PDZD2: variants seen among roughly 807,000 people sequenced by gnomAD.
PDZD2 encodes the protein PDZ domain-containing protein 2.
Under a neutral mutation model 220.7 loss-of-function variants are expected in PDZD2, and 90 were observed. That is an observed-to-expected ratio of 0.41 (90% CI 0.34 to 0.49). The LOEUF (loss-of-function observed/expected upper bound fraction) is 0.49. Among genes scored for constraint, PDZD2 ranks in the 20% least tolerant of loss-of-function variants. The pLI, the probability that PDZD2 is intolerant of heterozygous loss-of-function variation, is 0.28. For synonymous variants in PDZD2, 1,375 were observed against 1,450.5 expected (o/e 0.95, Z 1.18); for missense variants, 3,174 against 3,608.5 (o/e 0.88, Z 3.08).
chr5:31,912,321 A>G (rs11749275), intron 2 of PDZD2, among the ~76,000 whole-genome samples: 63,536 of 151,882 alleles, frequency 0.42, 13,815 homozygotes, highest in Middle Eastern at 0.58. Context: ...TCATAAGGAC[A>G]CTAATCCCAC....
chr5:32,041,674 A>G (rs1581356473), intron 7 of PDZD2, among the ~76,000 whole-genome samples: 1 of 151,960 alleles, frequency 6.6e-6, no homozygotes, highest in Non-Finnish European at 1.5e-5. Flanking sequence ...ACCACTCCCT[A>G]ATCTCAAGTA....
intron 5 of PDZD2, among the ~76,000 whole-genome samples, chr5:32,003,162 A>T (rs1250824026): frequency 1.2e-4 from 7 of 58,046 alleles, no homozygotes; most frequent in African/African-American, 3.2e-4. Context: ...CCACCAACAC[A>T]CACACCACAC....
chr5:32,076,306 A>AAAACAAATC, intron 18 of PDZD2, among the ~76,000 whole-genome samples: 1 of 151,648 alleles, frequency 6.6e-6, no homozygotes, highest in East Asian at 1.9e-4. Context: ...AAAAAAAAAA[A>AAAACAAATC]AAACAAATCA....
intron 6 of PDZD2, among the ~76,000 whole-genome samples, chr5:32,025,916 T>C (rs1419560036): frequency 6.6e-6 from 1 of 152,022 alleles, no homozygotes; most frequent in Non-Finnish European, 1.5e-5. Context: ...GTCTTACTTT[T>C]CACCTAAAAC....
At chr5:31,840,243 CAAAACAA>C (rs1422199641) in intron 2 of PDZD2, among the ~76,000 whole-genome samples, 81 of 150,866 alleles carry the variant, frequency 5.4e-4, no homozygotes, top group African/African-American at 1.9e-3. Flanking sequence ...CAAAACAAAA[CAAAACAA>C]AACAAAACAA....
At chr5:31,994,978 A>G (rs1751516431) in intron 3 of PDZD2, among the ~76,000 whole-genome samples, 1 of 152,236 alleles carries the variant, frequency 6.6e-6, no homozygotes, top group African/African-American at 2.4e-5. Flanking sequence ...TTTAAGCATT[A>G]GGTGGCTTTC....
intron 2 of PDZD2, chr5:31,822,502 ATAGGTCT>A: frequency 1.9e-6 from 1 of 523,304 alleles, no homozygotes. Flanking sequence ...AATATCACAT[ATAGGTCT>A]TAGGAAGCAT....
At position 31,639,702 on chromosome 5, in the gene PDZD2, G is replaced by T. The variant is rs1393525513; in HGVS notation, c.-361+265G>T. 1.3e-5 allele frequency among the ~76,000 whole-genome samples: 2 copies of T among 152,162 alleles called. No homozygotes were observed. Among genetic ancestry groups the T allele is most frequent in the Admixed American group, 6.5e-5 (1 of 15,286 alleles). On this transcript the variant is annotated intron_variant, in intron 1 of 24. Transcript: ENST00000438447. The surrounding 1 kb of genome is among the most constrained non-coding windows in gnomAD (Gnocchi z 4.1). Reference sequence around the variant, plus strand: ...CTAGACAGAGCGGGACCGAGACAGCGGGACAACCGGAGACGCACTGCCGGG... The same window carrying T: ...CTAGACAGAGCGGGACCGAGACAGCTGGACAACCGGAGACGCACTGCCGGG...
At chr5:32,076,155 G>A (rs1175914633) in intron 18 of PDZD2, among the ~76,000 whole-genome samples, 1 of 151,906 alleles carries the variant, frequency 6.6e-6, no homozygotes, top group African/African-American at 2.4e-5. Flanking sequence ...GTGTGGTGGT[G>A]TGCACCTGTA....
At chr5:31,706,883 A>G (rs898599491) in intron 1 of PDZD2, among the ~76,000 whole-genome samples, 5 of 151,158 alleles carry the variant, frequency 3.3e-5, no homozygotes, top group Admixed American at 3.3e-4. Context: ...TTTCCTTCCT[A>G]GACCTATAAC....
At position 32,066,153 on chromosome 5, in the gene PDZD2, A is replaced by G. The variant is rs543601928; in HGVS notation, c.2452-3416A>G. ...AGGTCAGGAATTCGAGACCACCCAG[A>G]CCAACATGGTGAAACCCCATCTCTA... is the stretch of plus-strand genomic sequence containing the variant. On this transcript the variant is annotated intron_variant, in intron 14 of 24. Coordinates refer to ENST00000438447, the MANE Select transcript of PDZD2 (RefSeq NM_178140.4). Among the ~76,000 whole-genome samples the G allele has an allele frequency of 2.0e-5, 3 of 152,136 alleles. No individual in the cohort carries two copies. The East Asian group carries it at 5.8e-4, about 29-fold the overall frequency.
Position 32,077,368 on chromosome 5 carries a change from C to G in PDZD2, c.3538-94C>G, listed in dbSNP as rs75564552. 786 of 1,363,590 alleles carry G rather than the reference C, an allele frequency of 5.8e-4. 3 individuals carry two copies. The African/African-American group carries it at 0.01, about 18-fold the overall frequency. 84.5% of individuals were successfully genotyped at this position (1,363,590 alleles called of 1,614,324 possible). ...CTAGTCCAGGGCCCCTTTGCCTTTT[C>G]CTGAACTAGCTCTGCTCTCTATATA... On this transcript the variant is annotated intron_variant, in intron 18 of 24. Transcript: ENST00000438447.
intron 2 of PDZD2, among the ~76,000 whole-genome samples, chr5:31,969,533 A>AAAAAAAAAAAAAAAAAAAAAAAAAG: frequency 7.1e-6 from 1 of 140,822 alleles, no homozygotes; most frequent in Non-Finnish European, 1.6e-5. Flanking sequence ...AAAAAAAAAA[A>AAAAAAAAAAAAAAAAAAAAAAAAAG]AACAATGGAT....
intron 1 of PDZD2, among the ~76,000 whole-genome samples, chr5:31,753,058 A>G (rs1280855224): frequency 6.6e-6 from 1 of 152,252 alleles, no homozygotes; most frequent in East Asian, 1.9e-4. Context: ...TATTTTCAGC[A>G]GCTGCTGTAG....
At chr5:31,976,523 T>C (rs1749777231) in intron 2 of PDZD2, among the ~76,000 whole-genome samples, 1 of 152,212 alleles carries the variant, frequency 6.6e-6, no homozygotes, top group South Asian at 2.1e-4. Context: ...CATCCCCTTG[T>C]GGTTGGTGTT....
At chr5:32,070,112 A>G (rs1740612834) in intron 15 of PDZD2, among the ~76,000 whole-genome samples, 1 of 152,334 alleles carries the variant, frequency 6.6e-6, no homozygotes, top group Admixed American at 6.5e-5. Flanking sequence ...CAGGCAGAGA[A>G]GGCTTGAGAT....
chr5:31,990,518 G>C (rs367734526), intron 3 of PDZD2, among the ~76,000 whole-genome samples: 4 of 152,126 alleles, frequency 2.6e-5, no homozygotes, highest in Admixed American at 6.6e-5. Context: ...TGCAGAACTC[G>C]GTCTCTCCAA....
rs1338773370 is a variant in PDZD2, at chr5:31,717,682, C to T, written c.-361+78245C>T. 2.0e-5 allele frequency among the ~76,000 whole-genome samples: 3 copies of T among 152,274 alleles called. No homozygotes were observed. The South Asian group carries it at 6.2e-4, about 32-fold the overall frequency. Reference sequence around the variant, plus strand: ...GTCCTCCACCAGCCCCTCCTAGAGGCCTGGTTAGAGTGGGACGTCCCCATT... The same window carrying T: ...GTCCTCCACCAGCCCCTCCTAGAGGTCTGGTTAGAGTGGGACGTCCCCATT... On this transcript the variant is annotated intron_variant, in intron 1 of 24. Coordinates refer to ENST00000438447, the MANE Select transcript of PDZD2 (RefSeq NM_178140.4).
rs1394140301 is a variant in PDZD2 at position 32,052,659 on chromosome 5, G to A, written c.1714G>A (p.Val572Met). 8.7e-6 allele frequency: 14 copies of A among 1,613,788 alleles called. No individual in the cohort carries two copies. The highest frequency in any genetic ancestry group is 1.2e-5 in the Non-Finnish European group (14 of 1,179,660). The part of the protein sequence containing the change: ...KSTRSLSTTQ[V>M]ESPWRLIRPS... Reference sequence around the variant, plus strand: ...TACCCGCTCCTTAAGCACGACTCAGGTGGAATCTCCTTGGAGGCTCATTCG... The same window carrying A: ...TACCCGCTCCTTAAGCACGACTCAGATGGAATCTCCTTGGAGGCTCATTCG... The change falls in exon 9 of 25, where the codon GTG (valine) becomes ATG (methionine). Residue 572 changes from valine (V) to methionine (M), a missense_variant. By Grantham distance (21) the Val-to-Met change is conservative (BLOSUM62 1). This residue lies in a region of PDZD2 where 50 missense variants were observed against 109.5 expected (regional missense o/e 0.46). Coordinates refer to ENST00000438447, the MANE Select transcript of PDZD2 (RefSeq NM_178140.4).
Sources: allele counts gnomAD v4.1 joint callset (sites outside exome capture counted in the v4.1 genomes callset), GRCh38; gene constraint gnomAD v4.1.1; regional missense constraint gnomAD v4.1.1; non-coding constraint Gnocchi (gnomAD v3.1); transcripts MANE v1.5; gene names NCBI Gene and HGNC (gene_info 2026-07-23, HGNC 2026-07-21).